NEK1: variants seen among roughly 807,000 people sequenced by gnomAD.
The protein encoded by NEK1 is serine/threonine-protein kinase Nek1.
In NEK1, 137 loss-of-function variants were observed where a neutral mutation model predicts 182.1. The ratio of observed to expected loss-of-function variants is 0.75; its 90% confidence interval spans 0.65 to 0.87. The LOEUF (loss-of-function observed/expected upper bound fraction) is 0.87. NEK1 is among the 40% of genes least tolerant of loss of function. The probability of loss-of-function intolerance (pLI) is 0.00; values close to 1 mark genes in which losing one functional copy is unlikely to be tolerated. For missense variants in NEK1, 1,391 were observed against 1,494.4 expected, an observed-to-expected ratio of 0.93 and a Z score of 1.14; for synonymous variants, 513 against 492.2, an observed-to-expected ratio of 1.04 and a Z score of -0.56.
chr4:169,437,121 G>T (rs1047331627), intron 28 of NEK1, among the ~76,000 whole-genome samples: 2 of 152,164 alleles, frequency 1.3e-5, no homozygotes, highest in Non-Finnish European at 2.9e-5. Flanking sequence ...AATTTCTAGG[G>T]ACCAATGACT....
chr4:169,540,671 A>G (rs1026442967), intron 18 of NEK1, among the ~76,000 whole-genome samples: 27 of 152,104 alleles, frequency 1.8e-4, no homozygotes, highest in African/African-American at 5.8e-4. Context: ...AAAATCAGTA[A>G]AACACTGACC....
intron 23 of NEK1, among the ~76,000 whole-genome samples, chr4:169,493,904 A>G (rs1045860180): frequency 6.6e-6 from 1 of 152,204 alleles, no homozygotes; most frequent in Non-Finnish European, 1.5e-5. Flanking sequence ...CCAATCTTCC[A>G]AGAGAGGTTG....
intron 29 of NEK1, among the ~76,000 whole-genome samples, chr4:169,432,212 T>C (rs760731001): frequency 1.4e-4 from 22 of 152,184 alleles, no homozygotes; most frequent in Non-Finnish European, 2.6e-4. Context: ...ATTTTTTACC[T>C]TGTTAGATTG....
At chr4:169,533,012 G>A (rs1184013818) in intron 19 of NEK1, among the ~76,000 whole-genome samples, 1 of 152,136 alleles carries the variant, frequency 6.6e-6, no homozygotes, top group Admixed American at 6.5e-5. Context: ...CTAATCTACT[G>A]TCTCCAGATG....
chr4:169,396,043 A>G (rs536192134), intron 35 of NEK1, among the ~76,000 whole-genome samples: 1 of 152,274 alleles, frequency 6.6e-6, no homozygotes, highest in African/African-American at 2.4e-5. Context: ...TAAAATGAAT[A>G]TGAAGAGAAG....
At chr4:169,403,298 T>C (rs528965148) in intron 32 of NEK1, among the ~76,000 whole-genome samples, 14 of 150,180 alleles carry the variant, frequency 9.3e-5, no homozygotes, top group African/African-American at 2.7e-4. Flanking sequence ...CTGGGTACAG[T>C]GGCTCATGCC....
chr4:169,551,789 T>G (rs1761460690), intron 18 of NEK1, among the ~76,000 whole-genome samples: 1 of 151,228 alleles, frequency 6.6e-6, no homozygotes, highest in African/African-American at 2.4e-5. Flanking sequence ...TAGCAAGCAG[T>G]AAAACAAGAA....
intron 35 of NEK1, 60 bp downstream of exon 35, chr4:169,400,165 G>T (rs1008338605): frequency 1.4e-6 from 2 of 1,464,042 alleles, no homozygotes; most frequent in African/African-American, 1.4e-5. Context: ...TCATATACAT[G>T]TATCATCTTG....
chr4:169,571,020 T>G (rs1404769905), intron 12 of NEK1, among the ~76,000 whole-genome samples: 3 of 151,762 alleles, frequency 2.0e-5, no homozygotes, highest in African/African-American at 7.3e-5. Flanking sequence ...TAATCTCAAG[T>G]ACCCAGGGAC....
intron 31 of NEK1, among the ~76,000 whole-genome samples, chr4:169,421,929 A>T (rs1334366750): frequency 6.6e-6 from 1 of 152,224 alleles, no homozygotes; most frequent in African/African-American, 2.4e-5. Flanking sequence ...CATATTTCAC[A>T]GTAGAAAAAC....
At chr4:169,409,311 A>T (rs1307971903) in intron 31 of NEK1, among the ~76,000 whole-genome samples, 2 of 151,856 alleles carry the variant, frequency 1.3e-5, no homozygotes, top group South Asian at 4.2e-4. Context: ...CGCCCAGCTA[A>T]TTTTTTGTAT....
rs1159426418 is a variant in NEK1, at chr4:169,477,315, A to C, written c.2243T>G (p.Leu748Arg). The C allele has an allele frequency of 1.3e-6, 2 of 1,582,194 alleles. No homozygotes were observed. Among genetic ancestry groups the C allele is most frequent in the Admixed American group, 1.8e-5 (1 of 55,478 alleles). The change falls in exon 26 of 36, where the codon CTT becomes CGT. Residue 748 changes from leucine to arginine, a missense_variant. Physicochemically the swap from Leu to Arg is moderately radical, Grantham distance 102. Around this residue, in one of 5 missense-constraint regions of NEK1, gnomAD observed 1,216 missense variants for 1,277.6 expected, o/e 0.95. Transcript: ENST00000507142. ...REILRRLNEN[L>R]KAQEDEKGKQ... ...TCCTTTTTCATCTTCTTGAGCTTTAAGATTTTCATTTAATCTACGAAGTAT... is the reference window on the plus strand; with the variant it reads ...TCCTTTTTCATCTTCTTGAGCTTTACGATTTTCATTTAATCTACGAAGTAT...
Position 169,570,341 on chromosome 4 carries a change from A to G in NEK1, c.1020+6587T>C, listed in dbSNP as rs917375558. ...TGAGGAGCGTCTCCGCCCGGCAGCC[A>G]CCCCGTCCGGGAGGGAGGTGGGGGT... On this transcript the variant is annotated intron_variant, in intron 12 of 35. Transcript: ENST00000507142. Among the ~76,000 whole-genome samples, 20 of 149,728 alleles carry G rather than the reference A, an allele frequency of 1.3e-4. No individual in the cohort carries two copies. The South Asian group carries it at 3.8e-3, about 29-fold the overall frequency.
chr4:169,398,320 G>GTTTTTTT (rs1731062030), intron 35 of NEK1, among the ~76,000 whole-genome samples: 1 of 150,738 alleles, frequency 6.6e-6, no homozygotes. Flanking sequence ...TTTTACTGGG[G>GTTTTTTT]TTTATAGACC....
intron 27 of NEK1, among the ~76,000 whole-genome samples, chr4:169,455,896 C>CTGCAGAATAAGA (rs1177930160): frequency 6.6e-6 from 1 of 152,168 alleles, no homozygotes; most frequent in African/African-American, 2.4e-5. Flanking sequence ...TTTCATCTAA[C>CTGCAGAATAAGA]AGCTGCAGAA....
intron 12 of NEK1, among the ~76,000 whole-genome samples, chr4:169,575,399 T>G (rs1765530989): frequency 6.6e-6 from 1 of 152,224 alleles, no homozygotes; most frequent in African/African-American, 2.4e-5. Context: ...TCTTCCTGAT[T>G]AGTGTGTTTC....
chr4:169,417,337 T>C (rs1251394457), intron 31 of NEK1, among the ~76,000 whole-genome samples: 1 of 152,162 alleles, frequency 6.6e-6, no homozygotes, highest in Non-Finnish European at 1.5e-5. Context: ...AGTCTGAATA[T>C]TAGTTAAGCA....
intron 18 of NEK1, among the ~76,000 whole-genome samples, chr4:169,540,971 G>A (rs1759316009): frequency 6.6e-6 from 1 of 151,668 alleles, no homozygotes; most frequent in Admixed American, 6.6e-5. Flanking sequence ...ACAAGATTTG[G>A]CTGGGAACTG....
chr4:169,436,659 T>C (rs923943378), intron 28 of NEK1, among the ~76,000 whole-genome samples: 8 of 152,244 alleles, frequency 5.3e-5, no homozygotes, highest in African/African-American at 1.7e-4. Context: ...TGATTCCTTC[T>C]AGGCAACAAA....
Sources: allele counts gnomAD v4.1 joint callset (sites outside exome capture counted in the v4.1 genomes callset), GRCh38; gene constraint gnomAD v4.1.1; regional missense constraint gnomAD v4.1.1; transcripts MANE v1.5; gene names NCBI Gene and HGNC (gene_info 2026-07-23, HGNC 2026-07-21).